Variants in TM9SF2 observed in about 807,000 individuals in gnomAD.
The protein encoded by TM9SF2 is transmembrane 9 superfamily member 2.
Under a neutral mutation model 84.9 loss-of-function variants are expected in TM9SF2, and 13 were observed. That is an observed-to-expected ratio of 0.15 (90% confidence interval 0.10 to 0.24). The LOEUF is 0.24. Among genes scored for constraint, TM9SF2 ranks in the 10% least tolerant of loss-of-function variants. TM9SF2 has a pLI of 1.00. For missense variants in TM9SF2, 562 were observed against 818.5 expected (o/e 0.69, Z 3.82); for synonymous variants, 273 against 285.8 (o/e 0.96, Z 0.45).
intron 1 of TM9SF2, among the ~76,000 whole-genome samples, chr13:99,502,558 A>G (rs1463236943): frequency 6.6e-6 from 1 of 152,242 alleles, no homozygotes; most frequent in Admixed American, 6.5e-5. Flanking sequence ...GCAAGTCTTG[A>G]AAACTTTGAT....
intron 3 of TM9SF2, among the ~76,000 whole-genome samples, chr13:99,527,328 C>T (rs1434383193): frequency 6.6e-6 from 1 of 152,164 alleles, no homozygotes; most frequent in Non-Finnish European, 1.5e-5. Flanking sequence ...TTAATTGACT[C>T]ACAGTTCCAT....
intron 13 of TM9SF2, 24 bp from the exon 14 acceptor site, chr13:99,554,280 T>A (rs780885840): frequency 1.0e-5 from 16 of 1,599,560 alleles, no homozygotes; most frequent in Non-Finnish European, 1.3e-5. Context: ...AATTATGAAT[T>A]CTTCCTTCCT....
chr13:99,531,767 T>A (rs1279531270), intron 4 of TM9SF2, among the ~76,000 whole-genome samples: 1 of 152,140 alleles, frequency 6.6e-6, no homozygotes, highest in African/African-American at 2.4e-5. Flanking sequence ...GTCTCCCCAT[T>A]TCTTTCATTT....
chr13:99,535,399 T>C (rs1472064778), intron 4 of TM9SF2, among the ~76,000 whole-genome samples: 1 of 152,218 alleles, frequency 6.6e-6, no homozygotes, highest in Non-Finnish European at 1.5e-5. Context: ...CTAGTATATA[T>C]TCATTAATTG....
At position 99,537,836 on chromosome 13, in the gene TM9SF2, T is replaced by G; in HGVS notation, c.689T>G (p.Leu230Ter). 6.2e-7 allele frequency: 1 copy of G among 1,608,034 alleles called. No homozygotes were observed. Among genetic ancestry groups the G allele is most frequent in the Non-Finnish European group, 8.5e-7 (1 of 1,178,756 alleles). The change falls in exon 6 of 17, where the codon TTA becomes TGA. Residue 230 changes from leucine (L) to a stop codon, truncating the protein, a stop_gained. Transcript: ENST00000376387. LOFTEE classifies it high-confidence loss of function. Reference sequence around the variant, plus strand: ...GAAACTGGGTCCATGGGAGCAAGATTAGTGGCTGCTAAACTTGAACCGAAA... The same window carrying G: ...GAAACTGGGTCCATGGGAGCAAGATGAGTGGCTGCTAAACTTGAACCGAAA... ...VVETGSMGAR[L>*]VAAKLEPKSF...
chr13:99,504,919 T>C (rs985832145), intron 1 of TM9SF2, among the ~76,000 whole-genome samples: 1 of 152,210 alleles, frequency 6.6e-6, no homozygotes, highest in Non-Finnish European at 1.5e-5. Flanking sequence ...TTGGGCCCAA[T>C]TTTTCTCTAT....
chr13:99,546,843 A>G, intron 10 of TM9SF2, 142 bp from the exon 11 acceptor site: 2 of 1,135,230 alleles, frequency 1.8e-6, no homozygotes, highest in Non-Finnish European at 2.5e-6. Flanking sequence ...AAGATTGTGT[A>G]GAGCTGCATG....
chr13:99,514,773 A>G (rs1312908777), intron 1 of TM9SF2, among the ~76,000 whole-genome samples: 2 of 152,238 alleles, frequency 1.3e-5, no homozygotes, highest in African/African-American at 4.8e-5. Context: ...CAAGTGCCCA[A>G]TAGCCACATG....
chr13:99,521,793 G>A (rs2046161672), intron 3 of TM9SF2, among the ~76,000 whole-genome samples: 1 of 151,942 alleles, frequency 6.6e-6, no homozygotes, highest in Non-Finnish European at 1.5e-5. Context: ...TGCAGCCTCA[G>A]ACTCCTAGTC....
intron 16 of TM9SF2, 150 bp from the exon 17 acceptor site, chr13:99,562,541 C>T: frequency 3.3e-6 from 2 of 602,346 alleles, no homozygotes; most frequent in East Asian, 3.0e-5. Flanking sequence ...ATTTTTCAGA[C>T]GTGCTCATAG....
intron 13 of TM9SF2, among the ~76,000 whole-genome samples, chr13:99,553,270 G>A (rs2046313062): frequency 6.6e-6 from 1 of 152,216 alleles, no homozygotes; most frequent in Non-Finnish European, 1.5e-5. Context: ...GCAGGACCCG[G>A]AAGGCCCTGG....
intron 14 of TM9SF2, among the ~76,000 whole-genome samples, chr13:99,555,225 G>T (rs1030376351): frequency 2.0e-5 from 3 of 152,018 alleles, no homozygotes; most frequent in Admixed American, 6.6e-5. Context: ...TTCTTAGTTG[G>T]CTCTGCCTTT....
intron 15 of TM9SF2, among the ~76,000 whole-genome samples, chr13:99,558,802 C>A (rs1422440637): frequency 6.6e-6 from 1 of 152,048 alleles, no homozygotes; most frequent in East Asian, 1.9e-4. Context: ...TTGTTTTTCA[C>A]ATATTCCAAA....
At position 99,532,805 on chromosome 13, in the gene TM9SF2, A is replaced by G. The variant is rs74451457; in HGVS notation, c.461+3211A>G. Among the ~76,000 whole-genome samples, 774 of 152,354 alleles carry G rather than the reference A, an allele frequency of 5.1e-3. 11 individuals carry two copies. Among genetic ancestry groups the G allele is most frequent in the African/African-American group, 0.018 (734 of 41,584 alleles). On this transcript the variant is annotated intron_variant, in intron 4 of 16. Transcript: ENST00000376387. Reference sequence around the variant, plus strand: ...TGTACAAACTAAGCAAGCATCAGACAGTAAAATTTACTGAATGATTTGTAA... The same window carrying G: ...TGTACAAACTAAGCAAGCATCAGACGGTAAAATTTACTGAATGATTTGTAA...
Position 99,530,406 on chromosome 13 carries a change from A to G in TM9SF2, c.461+812A>G, listed in dbSNP as rs529077319. 3.9e-5 allele frequency among the ~76,000 whole-genome samples: 6 copies of G among 152,392 alleles called. No individual in the cohort carries two copies. The South Asian group carries it at 1.2e-3, about 32-fold the overall frequency. ...GCCACTGCACTCCCGCCTGGGCGAC[A>G]GAGCAAGACTCTGTCTCAAAAATAA... On this transcript the variant is annotated intron_variant, in intron 4 of 16. Coordinates refer to ENST00000376387, the MANE Select transcript of TM9SF2 (RefSeq NM_004800.3).
intron 3 of TM9SF2, among the ~76,000 whole-genome samples, chr13:99,521,359 T>C (rs1421698397): frequency 6.6e-6 from 1 of 152,226 alleles, no homozygotes; most frequent in Non-Finnish European, 1.5e-5. Flanking sequence ...TGAGAATGTG[T>C]GTTCTGATGG....
At chr13:99,555,442 A>G in intron 14 of TM9SF2, 94 bp from the exon 15 acceptor site, 2 of 989,336 alleles carry the variant, frequency 2.0e-6, no homozygotes, top group Middle Eastern at 6.4e-4. Flanking sequence ...AGAAAAAGCA[A>G]ACCTTTTCAG....
intron 6 of TM9SF2, 34 bp downstream of exon 6, chr13:99,537,897 T>C (rs773030859): frequency 1.9e-6 from 3 of 1,582,494 alleles, no homozygotes; most frequent in South Asian, 2.4e-5. Flanking sequence ...TAAACAAGTA[T>C]AAGTGAAATT....
chr13:99,507,350 A>G (rs2046093135), intron 1 of TM9SF2, among the ~76,000 whole-genome samples: 1 of 152,132 alleles, frequency 6.6e-6, no homozygotes. Flanking sequence ...CTCTGTATCT[A>G]TTATATGTAA....
Sources: allele counts gnomAD v4.1 joint callset (sites outside exome capture counted in the v4.1 genomes callset), GRCh38; gene constraint gnomAD v4.1.1; transcripts MANE v1.5; gene names NCBI Gene and HGNC (gene_info 2026-07-23, HGNC 2026-07-21).